The following MACROD2 variants were observed in gnomAD, a reference collection of about 807,000 sequenced individuals.
MACROD2 encodes ADP-ribose glycohydrolase MACROD2.
Under a neutral mutation model 70.4 loss-of-function variants are expected in MACROD2, and 36 were observed. The ratio of observed to expected loss-of-function variants is 0.51; its 90% confidence interval spans 0.39 to 0.68. The LOEUF is 0.68. MACROD2 is among the 30% of genes least tolerant of loss of function. The pLI, the probability that MACROD2 is intolerant of heterozygous loss-of-function variation, is 0.00. For synonymous variants in MACROD2, 172 were observed against 178.8 expected, an observed-to-expected ratio of 0.96 and a Z score of 0.30; for missense variants, 496 against 538.4, an observed-to-expected ratio of 0.92 and a Z score of 0.78.
At chr20:14,973,277 T>G (rs984930) in intron 5 of MACROD2, among the ~76,000 whole-genome samples, 2,044 of 146,486 alleles carry the variant, frequency 0.014, 34 homozygotes, top group Admixed American at 0.036. Flanking sequence ...TGTCACCCAG[T>G]CTGAAGTGCA....
chr20:15,377,330 G>A (rs2045577282), intron 6 of MACROD2, among the ~76,000 whole-genome samples: 3 of 151,974 alleles, frequency 2.0e-5, no homozygotes, highest in South Asian at 2.1e-4. Flanking sequence ...GGAAGACTGT[G>A]ATAAAAAGAA....
chr20:15,235,604 C>T (rs1299102610), intron 6 of MACROD2, among the ~76,000 whole-genome samples: 3 of 152,138 alleles, frequency 2.0e-5, no homozygotes, highest in Admixed American at 6.5e-5. Context: ...CATTTTAAGG[C>T]GTAGTCAAGT....
rs11473336 is a variant in MACROD2, at chr20:14,448,006, GTC to G, written c.272-45471_272-45470del. On this transcript the variant is annotated intron_variant, in intron 3 of 17. Coordinates refer to ENST00000684519, the MANE Select transcript of MACROD2 (RefSeq NM_001351661.2). ...TGTGTGTGTGTGTGTGTGTGTGTGT[GTC>G]TGTGTCTGCATGTGTGTATCTGAGA... is the stretch of plus-strand genomic sequence containing the variant. Among the ~76,000 whole-genome samples the G allele has an allele frequency of 1.8e-3, 272 of 149,558 alleles. 2 individuals are homozygous for G. Among genetic ancestry groups the G allele is most frequent in the African/African-American group, 6.3e-3 (257 of 40,530 alleles).
intron 5 of MACROD2, among the ~76,000 whole-genome samples, chr20:15,166,376 G>A (rs1379951178): frequency 2.0e-5 from 3 of 152,164 alleles, no homozygotes; most frequent in South Asian, 2.1e-4. Context: ...TCTCTTTTCT[G>A]AAATGTGAAT....
At chr20:14,502,073 T>C (rs943646639) in intron 4 of MACROD2, among the ~76,000 whole-genome samples, 1 of 152,156 alleles carries the variant, frequency 6.6e-6, no homozygotes, top group Non-Finnish European at 1.5e-5. Context: ...AAAGAATCTC[T>C]GAATGTGACT....
chr20:15,744,693 T>C (rs2051153950), intron 8 of MACROD2, among the ~76,000 whole-genome samples: 1 of 148,230 alleles, frequency 6.7e-6, no homozygotes, highest in South Asian at 2.2e-4. Context: ...AAACCAAGTA[T>C]ACACACACAC....
At chr20:15,698,012 C>A (rs1302232646) in intron 8 of MACROD2, among the ~76,000 whole-genome samples, 1 of 152,172 alleles carries the variant, frequency 6.6e-6, no homozygotes, top group African/African-American at 2.4e-5. Context: ...ATTCATTCTG[C>A]AGTTCTCTGT....
intron 6 of MACROD2, among the ~76,000 whole-genome samples, chr20:15,270,154 CT>C (rs3045758): frequency 0.69 from 80,977 of 118,120 alleles, 26,747 homozygotes; most frequent in East Asian, 0.79. Flanking sequence ...CTGACACAGC[CT>C]TTTTTTTTTT....
At chr20:14,870,797 C>A (rs1220988319) in intron 5 of MACROD2, among the ~76,000 whole-genome samples, 1 of 151,674 alleles carries the variant, frequency 6.6e-6, no homozygotes, top group East Asian at 1.9e-4. Context: ...GGGGTTGTTT[C>A]GTTTATTTCT....
chr20:14,612,854 A>C (rs1443749468), intron 4 of MACROD2, among the ~76,000 whole-genome samples: 1 of 152,146 alleles, frequency 6.6e-6, no homozygotes, highest in East Asian at 1.9e-4. Context: ...GAAAAAAATC[A>C]GCTACTACTT....
chr20:14,082,177 C>CTTTTTTTTTTTTTTTTTTTTT (rs66918191), intron 2 of MACROD2, among the ~76,000 whole-genome samples: 4 of 93,172 alleles, frequency 4.3e-5, no homozygotes, highest in African/African-American at 1.3e-4. Flanking sequence ...CTTTTTTTTT[C>CTTTTTTTTTTTTTTTTTTTTT]TTTTTTTTTT....
chr20:14,832,857 A>C (rs1181008426), intron 5 of MACROD2, among the ~76,000 whole-genome samples: 1 of 152,098 alleles, frequency 6.6e-6, no homozygotes, highest in Non-Finnish European at 1.5e-5. Flanking sequence ...GGGAAAACCC[A>C]GTGAAGGATG....
chr20:14,655,926 A>G (rs1433799442), intron 4 of MACROD2, among the ~76,000 whole-genome samples: 1 of 152,188 alleles, frequency 6.6e-6, no homozygotes, highest in Non-Finnish European at 1.5e-5. Flanking sequence ...ATTTGTCACC[A>G]TAGCTTATTA....
At chr20:15,476,530 C>A (rs2047023908) in intron 7 of MACROD2, among the ~76,000 whole-genome samples, 1 of 151,890 alleles carries the variant, frequency 6.6e-6, no homozygotes. Flanking sequence ...AACAAACATA[C>A]AGGCTTGGTT....
rs373794823 is a variant in MACROD2, at chr20:15,095,064, C to CTTT, written c.419-134847_419-134845dup. ...TATCTTTTCACTGTGGTCTCCTCTT[C>CTTT]TTTTTTTTTTTTTTTTTTTTTTTTT... On this transcript the variant is annotated intron_variant, in intron 5 of 17. Transcript: ENST00000684519. Among the ~76,000 whole-genome samples the CTTT allele has an allele frequency of 5.3e-4, 47 of 89,240 alleles. 1 individual carries two copies. Among genetic ancestry groups the CTTT allele is most frequent in the South Asian group, 2.6e-3 (7 of 2,666 alleles). The allele number at this position is 89,240 out of a possible 152,430, so 58.5% of individuals were successfully genotyped here.
chr20:16,037,372 G>A (rs1020979813), intron 15 of MACROD2, among the ~76,000 whole-genome samples: 1 of 151,696 alleles, frequency 6.6e-6, no homozygotes, highest in African/African-American at 2.4e-5. Flanking sequence ...ATGTAACCAG[G>A]GTTATTACCA....
chr20:14,283,288 G>A (rs2082320362), intron 3 of MACROD2, among the ~76,000 whole-genome samples: 1 of 152,162 alleles, frequency 6.6e-6, no homozygotes, highest in African/African-American at 2.4e-5. Context: ...AGAACTAAGA[G>A]TGCCTCATGG....
chr20:16,050,070 GTTTCC>G lies in MACROD2; in HGVS notation c.*198_*202del. The G allele has an allele frequency of 1.9e-6, 1 of 524,650 alleles. No individual in the cohort carries two copies. The highest frequency in any genetic ancestry group is 3.6e-5 in the Admixed American group (1 of 27,968). 32.5% of individuals were successfully genotyped at this position (524,650 alleles called of 1,614,324 possible). The stretch of plus-strand genomic sequence containing the variant: ...AAGAAAGAAAAAAAAGAAAAAAAAA[GTTTCC>G]TTTAATTTGGTGGAGGGACCCATGT... On this transcript the variant is annotated 3_prime_UTR_variant, in exon 18 of 18. Coordinates refer to ENST00000684519, the MANE Select transcript of MACROD2 (RefSeq NM_001351661.2).
At chr20:14,074,129 CTT>C (rs949477751) in intron 2 of MACROD2, among the ~76,000 whole-genome samples, 7 of 152,172 alleles carry the variant, frequency 4.6e-5, no homozygotes, top group Non-Finnish European at 8.8e-5. Context: ...AGTGTTTCCT[CTT>C]AGTGATTTTT....
Sources: allele counts gnomAD v4.1 joint callset (sites outside exome capture counted in the v4.1 genomes callset), GRCh38; gene constraint gnomAD v4.1.1; transcripts MANE v1.5; gene names NCBI Gene and HGNC (gene_info 2026-07-23, HGNC 2026-07-21).